MGAT4D: variants seen among roughly 807,000 people sequenced by gnomAD.
The protein encoded by MGAT4D is MGAT4 family member D.
Under a neutral mutation model 15.9 loss-of-function variants are expected in MGAT4D, and 34 were observed. The ratio of observed to expected loss-of-function variants is 2.14; its 90% CI spans 1.62 to 2.84. The LOEUF is 2.84. Ranked by LOEUF, MGAT4D falls within the 30% of genes most tolerant of loss-of-function variation. MGAT4D has a pLI of 0.00. For synonymous variants in MGAT4D, 112 were observed against 48.2 expected, an observed-to-expected ratio of 2.33 and a Z score of -5.49; for missense variants, 327 against 140.2, an observed-to-expected ratio of 2.33 and a Z score of -6.73.
chr4:140,469,816 C>T (rs1731796476), intron 5 of MGAT4D, among the ~76,000 whole-genome samples: 1 of 152,222 alleles, frequency 6.6e-6, no homozygotes, highest in Admixed American at 6.5e-5. Context: ...TCATTTCCAT[C>T]GCCAGACTTT....
At chr4:140,467,153 T>G (rs1454773669) in intron 5 of MGAT4D, among the ~76,000 whole-genome samples, 1 of 152,012 alleles carries the variant, frequency 6.6e-6, no homozygotes, top group Non-Finnish European at 1.5e-5. Flanking sequence ...GATGAAAGTC[T>G]TACTGGCTGC....
chr4:140,484,606 G>T (rs539258576), intron 1 of MGAT4D, among the ~76,000 whole-genome samples: 6 of 152,082 alleles, frequency 3.9e-5, no homozygotes, highest in Non-Finnish European at 7.4e-5. Flanking sequence ...CCATCAGAGC[G>T]AACAGGCAAC....
chr4:140,452,915 T>G (rs9760241), intron 9 of MGAT4D, among the ~76,000 whole-genome samples: 1 of 152,132 alleles, frequency 6.6e-6, no homozygotes, highest in Non-Finnish European at 1.5e-5. Flanking sequence ...TGATTTATTT[T>G]GAAATAATGT....
chr4:140,445,040 C>T (rs891047760), intron 10 of MGAT4D, among the ~76,000 whole-genome samples: 1 of 135,916 alleles, frequency 7.4e-6, no homozygotes, highest in Non-Finnish European at 1.7e-5. Context: ...TGCCACCACG[C>T]CCAGCTAATG....
intron 4 of MGAT4D, among the ~76,000 whole-genome samples, chr4:140,472,349 G>C (rs1222014445): frequency 6.6e-6 from 1 of 152,132 alleles, no homozygotes; most frequent in African/African-American, 2.4e-5. Context: ...TAGATTAGAT[G>C]ACAGACTCCT....
intron 1 of MGAT4D, among the ~76,000 whole-genome samples, chr4:140,492,056 T>C (rs1463417400): frequency 6.6e-6 from 1 of 152,212 alleles, no homozygotes; most frequent in Non-Finnish European, 1.5e-5. Context: ...TAGTAATATA[T>C]AGCAAAAGTA....
chr4:140,462,045 T>A, intron 6 of MGAT4D, 41 bp from the exon 7 acceptor site: 3 of 686,206 alleles, frequency 4.4e-6, no homozygotes, highest in Non-Finnish European at 8.0e-6. Flanking sequence ...TTGTCATTAT[T>A]AATTTTTATT....
At chr4:140,495,362 T>C (rs992799939) in intron 1 of MGAT4D, among the ~76,000 whole-genome samples, 1 of 152,214 alleles carries the variant, frequency 6.6e-6, no homozygotes, top group African/African-American at 2.4e-5. Context: ...ATAGTAATTA[T>C]ATCATTTGTT....
chr4:140,492,144 T>TG (rs1733540727), intron 1 of MGAT4D, among the ~76,000 whole-genome samples: 1 of 152,086 alleles, frequency 6.6e-6, no homozygotes, highest in African/African-American at 2.4e-5. Context: ...GTAGTTGCCT[T>TG]GTGGGGGGGA....
At chr4:140,484,539 A>G (rs983526039) in intron 1 of MGAT4D, among the ~76,000 whole-genome samples, 1 of 152,226 alleles carries the variant, frequency 6.6e-6, no homozygotes, top group Non-Finnish European at 1.5e-5. Context: ...ACAAAAGCCA[A>G]AATTGACAAA....
intron 1 of MGAT4D, among the ~76,000 whole-genome samples, chr4:140,487,994 T>C (rs1296808066): frequency 6.6e-6 from 1 of 152,192 alleles, no homozygotes; most frequent in African/African-American, 2.4e-5. Flanking sequence ...ACTATGCACA[T>C]TAAAATTTGA....
chr4:140,469,340 C>T (rs1463806474), intron 5 of MGAT4D, among the ~76,000 whole-genome samples: 2 of 152,142 alleles, frequency 1.3e-5, no homozygotes, highest in Non-Finnish European at 2.9e-5. Flanking sequence ...TTACATTCTT[C>T]AGTGTGAATA....
intron 3 of MGAT4D, among the ~76,000 whole-genome samples, chr4:140,476,628 C>A (rs1459404321): frequency 6.6e-6 from 1 of 152,168 alleles, no homozygotes; most frequent in Non-Finnish European, 1.5e-5. Context: ...TGACCTGGTA[C>A]TGATCTATCC....
rs776005497 is a variant in MGAT4D, at chr4:140,493,916, T to C, written c.94+4213A>G. Among the ~76,000 whole-genome samples, 4 of 152,264 alleles carry C rather than the reference T, an allele frequency of 2.6e-5. No individual in the cohort carries two copies. The South Asian group carries it at 8.3e-4, about 32-fold the overall frequency. ...CCAGCCTTTGCTGGGGTGTCAGACA[T>C]TGAGGCAGTGGCCAGAGGCAAGAGT... is the stretch of plus-strand genomic sequence containing the variant. On this transcript the variant is annotated intron_variant, in intron 1 of 10. Coordinates refer to ENST00000511113, the MANE Select transcript of MGAT4D (RefSeq NM_001277353.2).
At chr4:140,484,868 G>T (rs935809605) in intron 1 of MGAT4D, among the ~76,000 whole-genome samples, 2 of 152,216 alleles carry the variant, frequency 1.3e-5, no homozygotes, top group African/African-American at 4.8e-5. Flanking sequence ...TTTCACACCA[G>T]TTAGAATGGC....
At chr4:140,457,615 A>G (rs796541471) in intron 8 of MGAT4D, 8 of 152,324 alleles carry the variant, frequency 5.3e-5, no homozygotes, top group African/African-American at 1.9e-4. Flanking sequence ...AATTGCTATT[A>G]TGATAACTAA....
At position 140,460,871 on chromosome 4, in the gene MGAT4D, C is replaced by A. The variant is rs535261362; in HGVS notation, c.762+1058G>T. On this transcript the variant is annotated intron_variant, in intron 7 of 10. Transcript: ENST00000511113. Reference sequence around the variant, plus strand: ...TTTGGGAGAGATGCAAACATTCAGACCATAGCTAAGACTAAGTAGCTTTAT... The same window carrying A: ...TTTGGGAGAGATGCAAACATTCAGAACATAGCTAAGACTAAGTAGCTTTAT... 1.5e-4 allele frequency among the ~76,000 whole-genome samples: 23 copies of A among 152,252 alleles called. 1 individual carries two copies. The highest frequency in any genetic ancestry group is 5.3e-4 in the African/African-American group (22 of 41,540).
chr4:140,456,780 A>G (rs1730835315), intron 8 of MGAT4D, 61 bp from the exon 9 acceptor site: 6 of 556,400 alleles, frequency 1.1e-5, no homozygotes, highest in Non-Finnish European at 3.2e-6. Context: ...TTCCTTTAAC[A>G]TGGGAAAAAG....
chr4:140,471,870 CTAT>C (rs1731987272), intron 4 of MGAT4D, 49 bp from the exon 5 acceptor site: 3 of 360,914 alleles, frequency 8.3e-6, no homozygotes, highest in Non-Finnish European at 1.5e-5. Context: ...TCTCATAGTT[CTAT>C]TAATACAACT....
Sources: gnomAD v4.1 joint callset for allele counts (sites outside exome capture counted in the v4.1 genomes callset) on GRCh38, gnomAD v4.1.1 for gene constraint, MANE v1.5 for transcripts, NCBI Gene and HGNC (gene_info 2026-07-23, HGNC 2026-07-21) for gene names.